The following CFAP70 variants were observed in gnomAD, a reference collection of about 807,000 sequenced individuals.
CFAP70 encodes cilia- and flagella-associated protein 70.
Under a neutral mutation model 137.6 loss-of-function variants are expected in CFAP70, and 81 were observed. That is an observed-to-expected ratio of 0.59 (90% confidence interval 0.49 to 0.71). The LOEUF (loss-of-function observed/expected upper bound fraction) is 0.71, where lower values mean the gene tolerates loss of function less well. Ranked by LOEUF, CFAP70 falls within the 30% of genes least tolerant of loss-of-function variation. CFAP70 has a pLI of 0.00. For synonymous variants in CFAP70, 382 were observed against 423.6 expected (o/e 0.90, Z 1.20); for missense variants, 976 against 1,226.7 (o/e 0.80, Z 3.05).
At chr10:73,265,334 AAAG>A (rs1411253884) in intron 25 of CFAP70, among the ~76,000 whole-genome samples, 88 of 150,778 alleles carry the variant, frequency 5.8e-4, no homozygotes, top group East Asian at 1.2e-3. Flanking sequence ...AAAAAAAAAA[AAAG>A]AAGAAGAAGA....
intron 2 of CFAP70, 91 bp from the exon 3 acceptor site, chr10:73,353,833 C>CA: frequency 8.4e-7 from 1 of 1,185,354 alleles, no homozygotes; most frequent in Non-Finnish European, 1.2e-6. Flanking sequence ...GGCTAAATAG[C>CA]ATTTTTCATT....
chr10:73,271,018 A>C (rs2133726539), intron 24 of CFAP70, among the ~76,000 whole-genome samples: 1 of 152,206 alleles, frequency 6.6e-6, no homozygotes, highest in South Asian at 2.1e-4. Flanking sequence ...AGATGCTGGG[A>C]GTAAAAAAAT....
chr10:73,348,564 T>C (rs373691807), intron 3 of CFAP70, 43 bp from the exon 4 acceptor site: 508 of 1,266,946 alleles, frequency 4.0e-4, no homozygotes, highest in Non-Finnish European at 5.1e-4. Flanking sequence ...TTAAAACACA[T>C]CTATCCGATA....
At chr10:73,345,825 A>G (rs529864010) in intron 4 of CFAP70, among the ~76,000 whole-genome samples, 57 of 152,158 alleles carry the variant, frequency 3.7e-4, no homozygotes, top group Non-Finnish European at 6.5e-4. Context: ...TGTCGATAGA[A>G]GTTGCACATG....
At chr10:73,298,182 T>C (rs1230192167) in intron 14 of CFAP70, among the ~76,000 whole-genome samples, 1 of 152,228 alleles carries the variant, frequency 6.6e-6, no homozygotes, top group African/African-American at 2.4e-5. Flanking sequence ...ACAAATTCCT[T>C]AGCCAACTAA....
chr10:73,329,535 G>T (rs1378239386), intron 8 of CFAP70, among the ~76,000 whole-genome samples: 4 of 151,958 alleles, frequency 2.6e-5, no homozygotes, highest in Admixed American at 6.6e-5. Context: ...AAAAAACAGT[G>T]TTAATAGTAA....
At chr10:73,323,068 A>G (rs750262047) in exon 9 of CFAP70, 2 of 1,612,520 alleles carry the variant, frequency 1.2e-6, no homozygotes, top group South Asian at 1.1e-5. Context: ...AAGCCACACC[A>G]TGAAACGAAA....
intron 19 of CFAP70, 109 bp downstream of exon 20, chr10:73,291,117 T>A: frequency 1.1e-6 from 1 of 909,962 alleles, no homozygotes; most frequent in South Asian, 1.6e-5. Flanking sequence ...TGGGCTCAAG[T>A]GATCCTCCCA....
At chr10:73,254,558 T>C (rs571637672) in intron 26 of CFAP70, among the ~76,000 whole-genome samples, 1 of 152,334 alleles carries the variant, frequency 6.6e-6, no homozygotes, top group African/African-American at 2.4e-5. Context: ...AAGGCAGTAA[T>C]GCAGTCAGCT....
chr10:73,281,362 T>A (rs1473819307), intron 19 of CFAP70, among the ~76,000 whole-genome samples: 1 of 151,396 alleles, frequency 6.6e-6, no homozygotes, highest in Non-Finnish European at 1.5e-5. Context: ...TTTTTTTTTT[T>A]AATTTTTGTA....
chr10:73,255,113 A>C (rs1180558278), intron 26 of CFAP70, among the ~76,000 whole-genome samples: 2 of 152,016 alleles, frequency 1.3e-5, no homozygotes, highest in Non-Finnish European at 2.9e-5. Flanking sequence ...AAATACAAAA[A>C]TTTGGCCAGG....
At chr10:73,277,203 T>A in intron 21 of CFAP70, 37 bp downstream of exon 22, 1 of 1,587,824 alleles carries the variant, frequency 6.3e-7, no homozygotes, top group Admixed American at 1.8e-5. Flanking sequence ...TTTGCTAAAA[T>A]CTTTCCATCT....
intron 6 of CFAP70, among the ~76,000 whole-genome samples, chr10:73,339,944 T>TA (rs2053091273): frequency 1.3e-5 from 2 of 152,362 alleles, no homozygotes; most frequent in South Asian, 4.1e-4. Flanking sequence ...CTGTTTGTGT[T>TA]ACAGCTCTTT....
exon 23 of CFAP70, chr10:73,274,476 A>G (rs1433845231): frequency 6.2e-7 from 1 of 1,613,960 alleles, no homozygotes; most frequent in South Asian, 1.1e-5. Context: ...CAGGAAGATG[A>G]AGTGCATCTC....
At chr10:73,271,069 A>AG (rs2046269386) in intron 24 of CFAP70, among the ~76,000 whole-genome samples, 1 of 152,226 alleles carries the variant, frequency 6.6e-6, no homozygotes, top group South Asian at 2.1e-4. Flanking sequence ...CTGACGCAGG[A>AG]GGATCAACCG....
chr10:73,315,651 C>T (rs967729364), intron 9 of CFAP70, among the ~76,000 whole-genome samples: 1 of 152,140 alleles, frequency 6.6e-6, no homozygotes, highest in Non-Finnish European at 1.5e-5. Flanking sequence ...GCCTTGATTG[C>T]CTGCTGGGCT....
At chr10:73,253,876 AT>A (rs1314440515) in exon 27 of CFAP70, 2 of 923,960 alleles carry the variant, frequency 2.2e-6, no homozygotes, top group Non-Finnish European at 3.3e-6. Context: ...TATAGTGAAG[AT>A]TCTTTCGTTC....
At chr10:73,281,191 T>C (rs987142763) in intron 19 of CFAP70, among the ~76,000 whole-genome samples, 3 of 152,074 alleles carry the variant, frequency 2.0e-5, no homozygotes, top group African/African-American at 7.2e-5. Flanking sequence ...TAGATCTGTA[T>C]GTATTTATTT....
intron 24 of CFAP70, among the ~76,000 whole-genome samples, chr10:73,270,392 TTTTTC>T (rs113894398): frequency 4.0e-5 from 6 of 150,358 alleles, no homozygotes; most frequent in Non-Finnish European, 5.9e-5. Flanking sequence ...TTTCCTTTCT[TTTTTC>T]TTTTCTTTTC....
Sources: allele counts gnomAD v4.1 joint callset (sites outside exome capture counted in the v4.1 genomes callset), GRCh38; gene constraint gnomAD v4.1.1; transcripts MANE v1.5; gene names NCBI Gene and HGNC (gene_info 2026-07-23, HGNC 2026-07-21).